Variants in ADAMTS9 observed in about 807,000 individuals in gnomAD.
The protein encoded by ADAMTS9 is ADAM metallopeptidase with thrombospondin type 1 motif 9.
ADAMTS9 carries 107 observed loss-of-function variants against 257.1 expected under a neutral mutation model. The observed-to-expected ratio is 0.42, with a 90% confidence interval of 0.36 to 0.49. The LOEUF is 0.49. ADAMTS9 is among the 20% of genes least tolerant of loss of function. The probability of loss-of-function intolerance (pLI) is 0.03; values close to 1 mark genes in which losing one functional copy is unlikely to be tolerated. For synonymous variants in ADAMTS9, 982 were observed against 880.9 expected (o/e 1.11, Z -2.03); for missense variants, 2,353 against 2,469.1 (o/e 0.95, Z 1.00).
chr3:64,596,080 T>C (rs1365825501), intron 27 of ADAMTS9, among the ~76,000 whole-genome samples: 1 of 152,256 alleles, frequency 6.6e-6, no homozygotes, highest in Non-Finnish European at 1.5e-5. Flanking sequence ...TTAAAGGCGA[T>C]GTGCTACGCA....
rs781364023 is a variant in ADAMTS9 at position 64,613,534 on chromosome 3, AG to A, written c.3190-26del. On this transcript the variant is annotated intron_variant, in intron 21 of 39. Coordinates refer to ENST00000498707, the MANE Select transcript of ADAMTS9 (RefSeq NM_182920.2). ...ACTGTAATGAAAAGCGGAGCTAGTC[AG>A]GGTCATTTCTGATCAATGTGTTGTG... The A allele has an allele frequency of 2.5e-6, 4 of 1,605,546 alleles. No individual in the cohort carries two copies. In the East Asian group the frequency reaches 6.7e-5, roughly 27 times the overall value.
intron 16 of ADAMTS9, among the ~76,000 whole-genome samples, chr3:64,631,103 CA>C (rs201815119): frequency 2.3e-3 from 355 of 152,270 alleles, no homozygotes; most frequent in African/African-American, 8.3e-3. Context: ...AAAATATTTG[CA>C]AGTCAGTTCC....
intron 11 of ADAMTS9, among the ~76,000 whole-genome samples, 199 bp downstream of exon 11, chr3:64,647,741 C>T (rs1401761695): frequency 6.6e-6 from 1 of 152,250 alleles, no homozygotes; most frequent in Non-Finnish European, 1.5e-5. Flanking sequence ...GGTATATTCT[C>T]TGGTATCAGC....
intron 34 of ADAMTS9, 23 bp from the exon 35 acceptor site, chr3:64,541,437 T>G: frequency 6.2e-7 from 1 of 1,612,900 alleles, no homozygotes; most frequent in Non-Finnish European, 8.5e-7. Flanking sequence ...AAATAACCCA[T>G]GAAGAGTGGC....
At position 64,552,328 on chromosome 3, in the gene ADAMTS9, C is replaced by A. The variant is rs547666647; in HGVS notation, c.4699-1266G>T. Among the ~76,000 whole-genome samples, 12 of 152,268 alleles carry A rather than the reference C, an allele frequency of 7.9e-5. No homozygotes were observed. In the South Asian group the frequency reaches 2.5e-3, roughly 32 times the overall value. ...TGCTTTAGCCAACACCAAACCCCACCCCTGAAGTTTATCCTTAGTGCCCTG... is the reference window on the plus strand; with the variant it reads ...TGCTTTAGCCAACACCAAACCCCACACCTGAAGTTTATCCTTAGTGCCCTG... On this transcript the variant is annotated intron_variant, in intron 30 of 39. Coordinates refer to ENST00000498707, the MANE Select transcript of ADAMTS9 (RefSeq NM_182920.2).
intron 16 of ADAMTS9, among the ~76,000 whole-genome samples, chr3:64,624,754 T>G (rs1379304572): frequency 6.6e-6 from 1 of 152,232 alleles, no homozygotes; most frequent in Non-Finnish European, 1.5e-5. Flanking sequence ...ATGATTAAAA[T>G]GAAGATGTAA....
rs372017581 is a variant in ADAMTS9, at chr3:64,654,557, G to A, written c.1210+15C>T. 8.7e-6 allele frequency: 14 copies of A among 1,613,914 alleles called. No homozygotes were observed. Among genetic ancestry groups the A allele is most frequent in the South Asian group, 5.5e-5 (5 of 91,068 alleles). On this transcript the variant is annotated intron_variant, in intron 7 of 39. Coordinates refer to ENST00000498707, the MANE Select transcript of ADAMTS9 (RefSeq NM_182920.2). Reference sequence around the variant, plus strand: ...AAACGGTTTTAGCCATAGAAGATACGCACAGAGAACTCACCTAAGGTATCA... The same window carrying A: ...AAACGGTTTTAGCCATAGAAGATACACACAGAGAACTCACCTAAGGTATCA...
At position 64,654,594 on chromosome 3, in the gene ADAMTS9, A is replaced by G. The variant is rs758695315; in HGVS notation, c.1188T>C (p.Ala396=). 20 of 1,614,208 alleles carry G rather than the reference A, an allele frequency of 1.2e-5. No homozygotes were observed. The highest frequency in any genetic ancestry group is 1.6e-5 in the Non-Finnish European group (19 of 1,180,038). ...VLLTRQDICR[A]HDKCDTLGLA... Reference sequence around the variant, plus strand: ...CACCTAAGGTATCACATTTGTCGTGAGCTCTGCAGATATCCTGTCTGAAAG... The same window carrying G: ...CACCTAAGGTATCACATTTGTCGTGGGCTCTGCAGATATCCTGTCTGAAAG... Residue 396 remains alanine (A), a synonymous_variant, in exon 7 of 40, where the codon GCT becomes GCC. Transcript: ENST00000498707.
chr3:64,676,218 C>G (rs1182833772), intron 3 of ADAMTS9, among the ~76,000 whole-genome samples: 2 of 152,134 alleles, frequency 1.3e-5, no homozygotes, highest in Non-Finnish European at 2.9e-5. Context: ...CGATAATCTC[C>G]ACTTCTAAGG....
At position 64,574,667 on chromosome 3, in the gene ADAMTS9, G is replaced by C. The variant is rs192809230; in HGVS notation, c.4357-6132C>G. ...AGCATTGATTGAGCCTAGGGGTTTG[G>C]GGTTAGTGAGCTATGACTGTGCTAC... is the stretch of plus-strand genomic sequence containing the variant. On this transcript the variant is annotated intron_variant, in intron 28 of 39. Transcript: ENST00000498707. 2.6e-5 allele frequency among the ~76,000 whole-genome samples: 4 copies of C among 151,982 alleles called. No individual in the cohort carries two copies. In the East Asian group the frequency reaches 7.8e-4, roughly 29 times the overall value.
chr3:64,599,546 A>G (rs1181296972), intron 26 of ADAMTS9, among the ~76,000 whole-genome samples: 5 of 152,192 alleles, frequency 3.3e-5, no homozygotes, highest in African/African-American at 9.6e-5. Flanking sequence ...ATTCCTCCTC[A>G]TGGCAGATGC....
intron 38 of ADAMTS9, chr3:64,522,515 T>C (rs1440963713): frequency 6.3e-6 from 2 of 319,972 alleles, no homozygotes; most frequent in African/African-American, 4.3e-5. Context: ...TGAGAAAAAG[T>C]AAACCAAAAA....
chr3:64,568,040 G>C (rs139622987), intron 29 of ADAMTS9, among the ~76,000 whole-genome samples: 5 of 152,162 alleles, frequency 3.3e-5, no homozygotes, highest in African/African-American at 1.2e-4. Flanking sequence ...TGCAGTCTGA[G>C]TTAGTAGTTT....
At chr3:64,668,126 C>T (rs1021063384) in intron 3 of ADAMTS9, among the ~76,000 whole-genome samples, 1 of 152,194 alleles carries the variant, frequency 6.6e-6, no homozygotes, top group Non-Finnish European at 1.5e-5. Flanking sequence ...AGTGCACTTG[C>T]CATGGCTGCC....
intron 31 of ADAMTS9, among the ~76,000 whole-genome samples, chr3:64,549,357 T>C (rs890704217): frequency 2.0e-5 from 3 of 152,280 alleles, no homozygotes; most frequent in Non-Finnish European, 2.9e-5. Context: ...ATAAAAGTGC[T>C]ACACAAGAGA....
intron 36 of ADAMTS9, 133 bp downstream of exon 36, chr3:64,540,962 C>T (rs925838651): frequency 2.2e-5 from 28 of 1,282,260 alleles, no homozygotes; most frequent in African/African-American, 4.5e-5. Flanking sequence ...AATGTTCTTC[C>T]TCTCCATACT....
chr3:64,658,558 T>C lies in ADAMTS9; in HGVS notation c.913A>G (p.Met305Val). The C allele has an allele frequency of 6.2e-7, 1 of 1,614,222 alleles. No homozygotes were observed. Among genetic ancestry groups the C allele is most frequent in the East Asian group, 2.2e-5 (1 of 44,874 alleles). The change falls in exon 4 of 40, where the codon ATG (methionine) becomes GTG (valine). Residue 305 changes from methionine to valine, a missense_variant. Met to Val is a conservative substitution (Grantham distance 21). Transcript: ENST00000498707. Reference protein sequence around the residue: ...VEVLVVADNRMVSYHGENLQH... With the variant: ...VEVLVVADNRVVSYHGENLQH... ...AGGTTTTCTCCATGGTATGAAACCA[T>C]TCTGTTGTCTGCCACCACCAAGACT...
intron 8 of ADAMTS9, 115 bp from the exon 9 acceptor site, chr3:64,651,278 A>G (rs1376365920): frequency 3.8e-6 from 3 of 795,782 alleles, no homozygotes; most frequent in Non-Finnish European, 5.7e-6. Context: ...CATTTTGGAT[A>G]AGAACCTGAA....
At chr3:64,643,753 A>C (rs9852056) in intron 11 of ADAMTS9, among the ~76,000 whole-genome samples, 120,147 of 151,394 alleles carry the variant, frequency 0.79, 48,435 homozygotes, top group East Asian at 0.96. Flanking sequence ...GCATGAGCCA[A>C]CACACCTGGC....
Sources: gnomAD v4.1 joint callset for allele counts (sites outside exome capture counted in the v4.1 genomes callset) on GRCh38, gnomAD v4.1.1 for gene constraint, MANE v1.5 for transcripts, NCBI Gene and HGNC (gene_info 2026-07-23, HGNC 2026-07-21) for gene names.